NEK7: variants seen among roughly 807,000 people sequenced by gnomAD.
NEK7 encodes the protein serine/threonine-protein kinase Nek7.
In NEK7, 18 loss-of-function variants were observed where a neutral mutation model predicts 44.6. That is an observed-to-expected ratio of 0.40 (90% CI 0.28 to 0.60). NEK7 has a LOEUF of 0.60. NEK7 is among the 20% of genes least tolerant of loss of function. NEK7 has a pLI of 0.38. For synonymous variants in NEK7, 130 were observed against 121.1 expected (o/e 1.07, Z -0.48); for missense variants, 256 against 366.5 (o/e 0.70, Z 2.46).
At chr1:198,230,638 A>G (rs1001590250) in intron 1 of NEK7, among the ~76,000 whole-genome samples, 2 of 152,038 alleles carry the variant, frequency 1.3e-5, no homozygotes, top group African/African-American at 4.8e-5. Context: ...TCTGCTCTCT[A>G]CTTCTATTCA....
chr1:198,189,609 A>C (rs1384399168), intron 1 of NEK7, among the ~76,000 whole-genome samples: 2 of 152,132 alleles, frequency 1.3e-5, no homozygotes, highest in African/African-American at 4.8e-5. Context: ...GCCTCATTAA[A>C]CATTTGGATT....
At chr1:198,201,432 C>A (rs1484752736) in intron 1 of NEK7, among the ~76,000 whole-genome samples, 1 of 152,032 alleles carries the variant, frequency 6.6e-6, no homozygotes, top group East Asian at 1.9e-4. Flanking sequence ...GGCACATAGT[C>A]ACGTATGTCC....
At chr1:198,192,122 ATACT>A (rs1372323495) in intron 1 of NEK7, among the ~76,000 whole-genome samples, 1 of 151,932 alleles carries the variant, frequency 6.6e-6, no homozygotes, top group African/African-American at 2.4e-5. Flanking sequence ...ATACACATAC[ATACT>A]TTTTTCAGGA....
At chr1:198,310,598 C>G (rs936843035) in intron 9 of NEK7, among the ~76,000 whole-genome samples, 10 of 150,918 alleles carry the variant, frequency 6.6e-5, no homozygotes, top group Non-Finnish European at 1.5e-4. Context: ...AGTCTTTAAT[C>G]CATCTTGAAT....
At chr1:198,204,760 C>T (rs1665544535) in intron 1 of NEK7, among the ~76,000 whole-genome samples, 1 of 147,874 alleles carries the variant, frequency 6.8e-6, no homozygotes, top group South Asian at 2.1e-4. Context: ...ATTTCATTTA[C>T]AGATATTGGC....
chr1:198,283,984 C>T (rs1054270961), intron 7 of NEK7, among the ~76,000 whole-genome samples: 1 of 152,136 alleles, frequency 6.6e-6, no homozygotes, highest in Non-Finnish European at 1.5e-5. Flanking sequence ...TTTGGACATT[C>T]TCCAGACTTG....
intron 1 of NEK7, among the ~76,000 whole-genome samples, chr1:198,227,731 T>G (rs528867504): frequency 6.6e-6 from 1 of 152,362 alleles, no homozygotes; most frequent in African/African-American, 2.4e-5. Context: ...TTTTTTCTTG[T>G]AAATTTGTTT....
At chr1:198,262,480 A>G in intron 3 of NEK7, 95 bp from the exon 4 acceptor site, 2 of 758,332 alleles carry the variant, frequency 2.6e-6, no homozygotes, top group South Asian at 1.8e-5. Flanking sequence ...TCCTTAGTGT[A>G]CAAATAATTA....
intron 4 of NEK7, among the ~76,000 whole-genome samples, chr1:198,263,902 ATTCT>A (rs1363303285): frequency 6.6e-6 from 1 of 151,984 alleles, no homozygotes; most frequent in Non-Finnish European, 1.5e-5. Context: ...CGTAAAATAT[ATTCT>A]TTCTAATAAA....
At chr1:198,219,828 A>G (rs777366943) in intron 1 of NEK7, among the ~76,000 whole-genome samples, 8 of 151,028 alleles carry the variant, frequency 5.3e-5, no homozygotes, top group Non-Finnish European at 1.2e-4. Context: ...ATGTCCCATT[A>G]CTGGTGATGT....
At chr1:198,185,677 T>C (rs1664901656) in intron 1 of NEK7, among the ~76,000 whole-genome samples, 3 of 152,210 alleles carry the variant, frequency 2.0e-5, no homozygotes, top group Non-Finnish European at 2.9e-5. Flanking sequence ...CTCCCATCTA[T>C]AGGTAGTGCT....
At chr1:198,176,147 C>G (rs1471710978) in intron 1 of NEK7, among the ~76,000 whole-genome samples, 1 of 152,082 alleles carries the variant, frequency 6.6e-6, no homozygotes, top group Non-Finnish European at 1.5e-5. Flanking sequence ...TTTAGTTATT[C>G]AACAAATATT....
At chr1:198,250,487 C>T (rs1203915822) in intron 2 of NEK7, among the ~76,000 whole-genome samples, 12 of 150,998 alleles carry the variant, frequency 7.9e-5, no homozygotes, top group Non-Finnish European at 1.6e-4. Context: ...GCCATTTTCA[C>T]GATATTGATT....
At chr1:198,261,898 A>T (rs1274216305) in intron 3 of NEK7, among the ~76,000 whole-genome samples, 1 of 151,914 alleles carries the variant, frequency 6.6e-6, no homozygotes, top group South Asian at 2.1e-4. Flanking sequence ...TAATTCCACA[A>T]ATACAGTATA....
At chr1:198,319,309 A>T in intron 9 of NEK7, 103 bp from the exon 10 acceptor site, 1 of 662,496 alleles carries the variant, frequency 1.5e-6, no homozygotes, top group Non-Finnish European at 2.6e-6. Context: ...CAGAAAATGT[A>T]CTTTCCTTGT....
intron 1 of NEK7, among the ~76,000 whole-genome samples, chr1:198,186,529 A>C (rs545160331): frequency 2.0e-5 from 3 of 152,196 alleles, no homozygotes; most frequent in Admixed American, 1.3e-4. Flanking sequence ...GAAGTAGCTC[A>C]AAGATACAGG....
chr1:198,296,774 CTG>C (rs941010396), intron 8 of NEK7, among the ~76,000 whole-genome samples: 5 of 152,190 alleles, frequency 3.3e-5, no homozygotes, highest in African/African-American at 9.6e-5. Context: ...CTTGTGATGA[CTG>C]TTTTGTTGTG....
At chr1:198,285,822 A>G (rs916492208) in intron 7 of NEK7, among the ~76,000 whole-genome samples, 8 of 152,042 alleles carry the variant, frequency 5.3e-5, no homozygotes, top group Non-Finnish European at 8.8e-5. Context: ...TACTGCTTGT[A>G]TCCTTTTTCT....
intron 1 of NEK7, among the ~76,000 whole-genome samples, chr1:198,188,018 C>A (rs1416533973): frequency 6.6e-6 from 1 of 152,142 alleles, no homozygotes; most frequent in Non-Finnish European, 1.5e-5. Context: ...AACCAGCTAC[C>A]TGCTTCAGGG....
Sources: allele counts gnomAD v4.1 joint callset (sites outside exome capture counted in the v4.1 genomes callset), GRCh38; gene constraint gnomAD v4.1.1; transcripts MANE v1.5; gene names NCBI Gene and HGNC (gene_info 2026-07-23, HGNC 2026-07-21).